BRPF3: variants seen among roughly 807,000 people sequenced by gnomAD.
The protein encoded by BRPF3 is bromodomain and PHD finger-containing protein 3.
A neutral mutation model predicts 102.0 loss-of-function variants in BRPF3; 18 were observed. The observed-to-expected ratio is 0.18, with a 90% confidence interval of 0.12 to 0.26. The LOEUF is 0.26. BRPF3 is among the 10% of genes least tolerant of loss of function. The pLI is 1.00. For missense variants in BRPF3, 1,147 were observed against 1,567.8 expected (o/e 0.73, Z 4.53); for synonymous variants, 570 against 614.2 (o/e 0.93, Z 1.06).
At chr6:36,206,419 C>A (rs1581953230) in intron 3 of BRPF3, among the ~76,000 whole-genome samples, 1 of 152,298 alleles carries the variant, frequency 6.6e-6, no homozygotes, top group South Asian at 2.1e-4. Flanking sequence ...CATTCTCTTA[C>A]TTCCTCTTCC....
intron 8 of BRPF3, among the ~76,000 whole-genome samples, chr6:36,215,027 C>T (rs937979264): frequency 6.6e-6 from 1 of 151,940 alleles, no homozygotes; most frequent in African/African-American, 2.4e-5. Flanking sequence ...ACTGAGGGAA[C>T]CAGTTTGGCT....
intron 1 of BRPF3, among the ~76,000 whole-genome samples, chr6:36,199,713 A>G (rs1045139216): frequency 1.3e-5 from 2 of 152,206 alleles, no homozygotes; most frequent in African/African-American, 4.8e-5. Context: ...TATGTACATC[A>G]TTAGAACATT....
intron 4 of BRPF3, among the ~76,000 whole-genome samples, chr6:36,208,057 T>C (rs1236961318): frequency 6.6e-6 from 1 of 152,240 alleles, no homozygotes; most frequent in African/African-American, 2.4e-5. Context: ...TTTTCTCACC[T>C]GGAATATGGG....
At position 36,210,438 on chromosome 6, in the gene BRPF3, G is replaced by C; in HGVS notation, c.2089G>C (p.Ala697Pro). Residue 697 changes from alanine to proline, a missense_variant, in exon 6 of 13, where the codon GCA (alanine) becomes CCA (proline). Transcript: ENST00000357641. The surrounding 1 kb of genome is among the most constrained non-coding windows in gnomAD (Gnocchi z 4.7). ...CATCCTACGGCACGCCCGGCGGCAG[G>C]CAGAGAACATCGGCTATGACCCCGA... The part of the protein sequence containing the change: ...GAILRHARRQ[A>P]ENIGYDPERG... The C allele has an allele frequency of 6.2e-7, 1 of 1,612,382 alleles. No homozygotes were observed. Among genetic ancestry groups the C allele is most frequent in the Non-Finnish European group, 8.5e-7 (1 of 1,180,024 alleles).
chr6:36,209,590 A>G (rs1768021758), intron 4 of BRPF3, among the ~76,000 whole-genome samples, 197 bp from the exon 5 acceptor site: 1 of 152,234 alleles, frequency 6.6e-6, no homozygotes, highest in African/African-American at 2.4e-5. Flanking sequence ...TACATAGGAA[A>G]CAATAATAAA....
chr6:36,222,205 G>A lies in BRPF3; in HGVS notation c.3121G>A (p.Ala1041Thr). ...TPPKRSRGKP[A>T]LSRVPFLEGV... ...CCCCAAACGCAGCCGTGGGAAGCCAGCCCTGTCTCGAGTGCCCTTCCTGGA... is the reference window on the plus strand; with the variant it reads ...CCCCAAACGCAGCCGTGGGAAGCCAACCCTGTCTCGAGTGCCCTTCCTGGA... Residue 1041 changes from alanine to threonine, a missense_variant, in exon 10 of 13, where the codon GCC (alanine) becomes ACC (threonine). Ala to Thr is a moderately conservative substitution (Grantham distance 58, BLOSUM62 0). This residue lies in a region of BRPF3 where 379 missense variants were observed against 426.3 expected (regional missense o/e 0.89). Transcript: ENST00000357641. The A allele has an allele frequency of 1.3e-6, 2 of 1,550,602 alleles. No homozygotes were observed. Among genetic ancestry groups the A allele is most frequent in the Non-Finnish European group, 1.7e-6 (2 of 1,147,242 alleles).
chr6:36,201,624 A>G lies in BRPF3; in HGVS notation c.1302A>G (p.Gln434=). The change falls in exon 2 of 13, where the codon CAA becomes CAG. Residue 434 remains glutamine, a synonymous_variant. Transcript: ENST00000357641. The surrounding 1 kb of genome is among the most constrained non-coding windows in gnomAD (Gnocchi z 5.1). ...TGGAGGAAGAAGAGCAGGAAGCTCA[A>G]GGCGGGGTGAGTGGCTCCCTCAAGG... ...EEVEEEEQEA[Q]GGVSGSLKGV... 1.2e-6 allele frequency: 2 copies of G among 1,614,172 alleles called. No homozygotes were observed. Among genetic ancestry groups the G allele is most frequent in the South Asian group, 1.1e-5 (1 of 91,086 alleles).
At chr6:36,223,837 A>G (rs1458460153) in intron 10 of BRPF3, among the ~76,000 whole-genome samples, 2 of 152,098 alleles carry the variant, frequency 1.3e-5, no homozygotes, top group Non-Finnish European at 1.5e-5. Context: ...ATTCCCAGGG[A>G]AGGAATTTAC....
rs575428333 is a variant in BRPF3 at position 36,197,801 on chromosome 6, T to A, written c.-27+831T>A. Reference sequence around the variant, plus strand: ...CTCTTTTCATTTCCCTCATCAGCAGTCCCTTCCCCCTCTAGAGTTTCTCCC... The same window carrying A: ...CTCTTTTCATTTCCCTCATCAGCAGACCCTTCCCCCTCTAGAGTTTCTCCC... On this transcript the variant is annotated intron_variant, in intron 1 of 12. Coordinates refer to ENST00000357641, the MANE Select transcript of BRPF3 (RefSeq NM_015695.3). Among the ~76,000 whole-genome samples the A allele has an allele frequency of 2.0e-5, 3 of 152,270 alleles. No individual in the cohort carries two copies. The East Asian group carries it at 5.8e-4, about 29-fold the overall frequency.
In BRPF3 at chr6:36,213,951, T is replaced by TC; in HGVS notation, c.2561dup (p.Glu855GlyfsTer9). ...TGCACCTTCCTTGTCTGAGCAAGAA[T>TC]CCCCCCCGGAGCCCCCTACTCTGAA... On this transcript the variant is annotated frameshift_variant, in exon 8 of 13. Coordinates refer to ENST00000357641, the MANE Select transcript of BRPF3 (RefSeq NM_015695.3). LOFTEE classifies it high-confidence loss of function. 6.2e-7 allele frequency: 1 copy of TC among 1,613,432 alleles called. No homozygotes were observed.
At position 36,226,714 on chromosome 6, in the gene BRPF3, G is replaced by C. The variant is rs1249435442; in HGVS notation, c.3279+1350G>C. On this transcript the variant is annotated intron_variant, in intron 11 of 12. Transcript: ENST00000357641. ...GAGGAATTCTGATCCTGTTTGGTCAGATAAGGAAATTATAGCTCAAAGAGG... is the reference window on the plus strand; with the variant it reads ...GAGGAATTCTGATCCTGTTTGGTCACATAAGGAAATTATAGCTCAAAGAGG... 3.3e-5 allele frequency among the ~76,000 whole-genome samples: 5 copies of C among 152,238 alleles called. No homozygotes were observed. In the East Asian group the frequency reaches 9.6e-4, roughly 29 times the overall value.
intron 4 of BRPF3, among the ~76,000 whole-genome samples, chr6:36,209,434 C>T (rs1244995022): frequency 1.3e-5 from 2 of 152,156 alleles, no homozygotes; most frequent in Admixed American, 1.3e-4. Context: ...TAAAATACCT[C>T]ATCTGTTCCT....
chr6:36,209,107 C>T (rs535637277), intron 4 of BRPF3, among the ~76,000 whole-genome samples: 1 of 152,332 alleles, frequency 6.6e-6, no homozygotes, highest in African/African-American at 2.4e-5. Flanking sequence ...CTAGTAACTC[C>T]TTCATCATGC....
intron 8 of BRPF3, among the ~76,000 whole-genome samples, chr6:36,217,375 C>T (rs1427554867): frequency 6.6e-6 from 1 of 152,146 alleles, no homozygotes; most frequent in Non-Finnish European, 1.5e-5. Context: ...TGTGAGATAT[C>T]TCAGGGTGTG....
chr6:36,211,658 T>C, intron 7 of BRPF3, 98 bp downstream of exon 7: 1 of 1,416,698 alleles, frequency 7.1e-7, no homozygotes, highest in South Asian at 1.4e-5. Context: ...TGAGTTTAGA[T>C]CTGACACTTG....
chr6:36,230,830 CAG>C lies in BRPF3; in HGVS notation c.*222_*223del, dbSNP rs948444466. On this transcript the variant is annotated 3_prime_UTR_variant, in exon 13 of 13. Transcript: ENST00000357641. This position sits in a 1 kb window ranked among gnomAD's most constrained non-coding sequence, Gnocchi z 5.4. ...CCAAAAACTCCCACCCAAGGTCCCT[CAG>C]GGGATATTTCACTGAAGAACCAGTT... 4.9e-5 allele frequency: 28 copies of C among 569,446 alleles called. No homozygotes were observed. The highest frequency in any genetic ancestry group is 1.6e-4 in the Admixed American group (5 of 30,604). 35.3% of individuals were successfully genotyped at this position (569,446 alleles called of 1,614,324 possible). A position where few individuals can be genotyped will look rare whatever the true frequency, so the allele number is the denominator to read the frequency against.
chr6:36,212,870 G>A (rs1277843910), intron 7 of BRPF3, among the ~76,000 whole-genome samples: 1 of 151,980 alleles, frequency 6.6e-6, no homozygotes, highest in African/African-American at 2.4e-5. Context: ...GGAGAATGGC[G>A]TGAACCCGGG....
At chr6:36,202,962 G>T (rs1443939216) in intron 2 of BRPF3, among the ~76,000 whole-genome samples, 7 of 152,192 alleles carry the variant, frequency 4.6e-5, no homozygotes, top group Admixed American at 3.9e-4. Context: ...GAGATCAGAA[G>T]GGGGAGGCTC....
At chr6:36,203,940 TA>T (rs1165372396) in intron 2 of BRPF3, among the ~76,000 whole-genome samples, 1 of 152,186 alleles carries the variant, frequency 6.6e-6, no homozygotes, top group Non-Finnish European at 1.5e-5. Context: ...GCAATATGGA[TA>T]TTAAAGACAG....
Sources: allele counts gnomAD v4.1 joint callset (sites outside exome capture counted in the v4.1 genomes callset), GRCh38; gene constraint gnomAD v4.1.1; regional missense constraint gnomAD v4.1.1; non-coding constraint Gnocchi (gnomAD v3.1); transcripts MANE v1.5; gene names NCBI Gene and HGNC (gene_info 2026-07-23, HGNC 2026-07-21).